Variants in FGGY observed in about 807,000 individuals in gnomAD.
FGGY encodes FGGY carbohydrate kinase domain-containing protein.
Under a neutral mutation model 71.3 loss-of-function variants are expected in FGGY, and 72 were observed. The ratio of observed to expected loss-of-function variants is 1.01; its 90% CI spans 0.84 to 1.23. The LOEUF is 1.23. FGGY is among the 50% of genes most tolerant of loss of function. FGGY has a pLI of 0.00. For synonymous variants in FGGY, 251 were observed against 250.3 expected (o/e 1.00, Z -0.02); for missense variants, 668 against 682.3 (o/e 0.98, Z 0.23).
intron 5 of FGGY, among the ~76,000 whole-genome samples, chr1:59,389,909 C>A (rs1402598066): frequency 6.6e-6 from 1 of 151,918 alleles, no homozygotes; most frequent in Non-Finnish European, 1.5e-5. Context: ...GGCAAGGATA[C>A]CCCAGGGAGT....
chr1:59,536,047 G>A (rs140593211), intron 7 of FGGY, among the ~76,000 whole-genome samples: 9,139 of 150,160 alleles, frequency 0.061, 586 homozygotes, highest in African/African-American at 0.17. Context: ...TCCAGGAGCT[G>A]GTTTTTTGAA....
At chr1:59,484,466 T>C (rs1247336689) in intron 6 of FGGY, among the ~76,000 whole-genome samples, 4 of 152,172 alleles carry the variant, frequency 2.6e-5, no homozygotes, top group Non-Finnish European at 5.9e-5. Context: ...AGAAATCTGG[T>C]AAGCTTGCCA....
chr1:59,688,583 A>T (rs2097563752), intron 14 of FGGY, among the ~76,000 whole-genome samples: 1 of 152,198 alleles, frequency 6.6e-6, no homozygotes, highest in Non-Finnish European at 1.5e-5. Context: ...TTTACAGATG[A>T]CAAAGCAGAA....
chr1:59,474,414 G>A (rs962963502), intron 6 of FGGY, among the ~76,000 whole-genome samples: 1 of 152,198 alleles, frequency 6.6e-6, no homozygotes, highest in Non-Finnish European at 1.5e-5. Context: ...GGGATGTGAG[G>A]TGAATTTCCT....
intron 6 of FGGY, among the ~76,000 whole-genome samples, chr1:59,505,292 G>T (rs751851793): frequency 4.6e-5 from 7 of 152,142 alleles, no homozygotes; most frequent in Non-Finnish European, 7.4e-5. Context: ...GTTCCTTAAT[G>T]CATTTTTAGC....
chr1:59,472,114 G>A (rs899398153), intron 6 of FGGY, among the ~76,000 whole-genome samples: 2 of 152,214 alleles, frequency 1.3e-5, no homozygotes, highest in Admixed American at 6.5e-5. Context: ...CTCAGCTTGC[G>A]GGGAGGTGTG....
intron 9 of FGGY, among the ~76,000 whole-genome samples, chr1:59,611,909 A>T (rs561726148): frequency 6.6e-6 from 1 of 152,364 alleles, no homozygotes; most frequent in South Asian, 2.1e-4. Context: ...GTGATGGAAG[A>T]TCAAATGAAT....
At chr1:59,607,759 CCT>C (rs1038513985) in intron 8 of FGGY, 42 bp from the exon 9 acceptor site, 2 of 1,490,870 alleles carry the variant, frequency 1.3e-6, no homozygotes, top group African/African-American at 2.8e-5. Context: ...TTCCCCTACC[CCT>C]GAGAGTCAAT....
chr1:59,528,798 G>T (rs2095062230), intron 7 of FGGY, among the ~76,000 whole-genome samples: 1 of 152,148 alleles, frequency 6.6e-6, no homozygotes, highest in African/African-American at 2.4e-5. Context: ...AAAAACCCAC[G>T]CAATTGGATT....
intron 11 of FGGY, among the ~76,000 whole-genome samples, chr1:59,644,706 G>T (rs548419356): frequency 2.0e-5 from 3 of 151,962 alleles, no homozygotes; most frequent in Non-Finnish European, 4.4e-5. Flanking sequence ...GGCCGGGTGC[G>T]GTGGCTCACG....
chr1:59,756,359 A>G (rs186146371), intron 14 of FGGY, among the ~76,000 whole-genome samples: 38 of 152,360 alleles, frequency 2.5e-4, no homozygotes, highest in African/African-American at 8.9e-4. Context: ...CAGAATGCAC[A>G]TGCTATCCTT....
chr1:59,406,510 A>T (rs559005058), intron 5 of FGGY, among the ~76,000 whole-genome samples: 1 of 152,216 alleles, frequency 6.6e-6, no homozygotes, highest in Non-Finnish European at 1.5e-5. Flanking sequence ...GATAAGCTTC[A>T]TTCAGGCAGG....
At chr1:59,300,067 TAAG>T (rs755197058) in intron 1 of FGGY, among the ~76,000 whole-genome samples, 10 of 152,230 alleles carry the variant, frequency 6.6e-5, no homozygotes, top group Non-Finnish European at 1.5e-4. Context: ...AATGTAGGGA[TAAG>T]AAGGAATGTA....
At chr1:59,589,341 GA>G (rs2096379753) in intron 8 of FGGY, among the ~76,000 whole-genome samples, 1 of 152,094 alleles carries the variant, frequency 6.6e-6, no homozygotes, top group Admixed American at 6.5e-5. Context: ...AATAATGGGA[GA>G]CTTTAACACC....
At chr1:59,724,361 G>A (rs1236025621) in intron 14 of FGGY, among the ~76,000 whole-genome samples, 5 of 151,844 alleles carry the variant, frequency 3.3e-5, no homozygotes, top group African/African-American at 7.3e-5. Context: ...GCAGGTGCCT[G>A]TAGTCCCAGC....
chr1:59,338,733 AAT>A lies in FGGY; in HGVS notation c.202-1223_202-1222del, dbSNP rs1192767446. 2.0e-5 allele frequency among the ~76,000 whole-genome samples: 3 copies of A among 152,182 alleles called. No individual in the cohort carries two copies. The East Asian group carries it at 5.8e-4, about 29-fold the overall frequency. ...AACATGCCATAATTTATTTAATAAAAATAGTTTTTTCACTTTTAAAATATAGT... is the reference window on the plus strand; with the variant it reads ...AACATGCCATAATTTATTTAATAAAAAGTTTTTTCACTTTTAAAATATAGT... On this transcript the variant is annotated intron_variant, in intron 2 of 15. Transcript: ENST00000303721.
intron 6 of FGGY, among the ~76,000 whole-genome samples, chr1:59,460,171 C>T (rs2092058196): frequency 6.6e-6 from 1 of 152,138 alleles, no homozygotes; most frequent in Admixed American, 6.5e-5. Context: ...CAGACTGTAT[C>T]TGGAAAATCG....
chr1:59,603,059 A>T (rs12745808), intron 8 of FGGY, among the ~76,000 whole-genome samples: 1 of 152,166 alleles, frequency 6.6e-6, no homozygotes, highest in Non-Finnish European at 1.5e-5. Context: ...TCAGACACAA[A>T]GAGTACACCA....
At chr1:59,542,363 C>T (rs1473107465) in intron 7 of FGGY, among the ~76,000 whole-genome samples, 1 of 148,822 alleles carries the variant, frequency 6.7e-6, no homozygotes, top group Non-Finnish European at 1.5e-5. Context: ...TCCTTCTAAA[C>T]AGAGGAGGGA....
Sources: allele counts gnomAD v4.1 joint callset (sites outside exome capture counted in the v4.1 genomes callset), GRCh38; gene constraint gnomAD v4.1.1; transcripts MANE v1.5; gene names NCBI Gene and HGNC (gene_info 2026-07-23, HGNC 2026-07-21).